The following TXNL1 variants were observed in gnomAD, a reference collection of about 807,000 sequenced individuals.
TXNL1 encodes thioredoxin like 1, also known as thioredoxin-like protein 1.
In TXNL1, 14 loss-of-function variants were observed where a neutral mutation model predicts 35.5. The observed-to-expected ratio is 0.39, with a 90% confidence interval of 0.26 to 0.62. The LOEUF (loss-of-function observed/expected upper bound fraction) is 0.62. Among genes scored for constraint, TXNL1 ranks in the 20% least tolerant of loss-of-function variants. The probability of loss-of-function intolerance (pLI) is 0.47; values close to 1 mark genes in which losing one functional copy is unlikely to be tolerated. For synonymous variants in TXNL1, 110 were observed against 115.5 expected, an observed-to-expected ratio of 0.95 and a Z score of 0.31; for missense variants, 263 against 349.7, an observed-to-expected ratio of 0.75 and a Z score of 1.98.
At chr18:56,613,938 C>T (rs1320472028) in intron 6 of TXNL1, among the ~76,000 whole-genome samples, 2 of 151,754 alleles carry the variant, frequency 1.3e-5, no homozygotes, top group Non-Finnish European at 2.9e-5. Context: ...GAGGCTGAGG[C>T]GGGAAGATTA....
chr18:56,626,967 G>C (rs2024295466), intron 1 of TXNL1, among the ~76,000 whole-genome samples: 1 of 147,988 alleles, frequency 6.8e-6, no homozygotes, highest in Non-Finnish European at 1.5e-5. Context: ...ACCACACCCA[G>C]CTACCAAGCT....
chr18:56,633,981 C>G (rs571033028), intron 1 of TXNL1, among the ~76,000 whole-genome samples: 1 of 51,268 alleles, frequency 2.0e-5, no homozygotes, highest in Non-Finnish European at 3.7e-5. Context: ...AAGACTCCAT[C>G]TCAAAAAAAA....
rs1445107050 is a variant in TXNL1 at position 56,599,333 on chromosome 18, G to A, written c.*3694C>T. ...AAATAAAACTTGAATTTTGAAACAT[G>A]CTTAAAATGACATCAGTAGTCTTCC... On this transcript the variant is annotated 3_prime_UTR_variant, in exon 8 of 8. Coordinates refer to ENST00000217515, the MANE Select transcript of TXNL1 (RefSeq NM_004786.3). 6.6e-6 allele frequency: 1 copy of A among 150,954 alleles called. No homozygotes were observed. Among genetic ancestry groups the A allele is most frequent in the Non-Finnish European group, 1.5e-5 (1 of 67,826 alleles). The allele number at this position is 150,954 out of a possible 1,614,324, so 9.4% of individuals were successfully genotyped here.
intron 7 of TXNL1, among the ~76,000 whole-genome samples, chr18:56,605,929 C>T (rs1286130566): frequency 6.6e-6 from 1 of 152,214 alleles, no homozygotes; most frequent in East Asian, 1.9e-4. Context: ...CCAGAAACAG[C>T]TCACACAAGA....
Position 56,616,676 on chromosome 18 carries a change from G to A in TXNL1, c.493-362C>T, listed in dbSNP as rs1045311049. ...CTAACATTTTAGCACATAGCTCTAC[G>A]ATGGTTTATTTGTCAAGTATCTATC... is the stretch of plus-strand genomic sequence containing the variant. On this transcript the variant is annotated intron_variant, in intron 4 of 7. Transcript: ENST00000217515. Among the ~76,000 whole-genome samples, 8 of 152,214 alleles carry A rather than the reference G, an allele frequency of 5.3e-5. No individual in the cohort carries two copies. In the South Asian group the frequency reaches 1.2e-3, roughly 24 times the overall value.
At chr18:56,604,946 A>G (rs2023865320) in intron 7 of TXNL1, among the ~76,000 whole-genome samples, 1 of 152,190 alleles carries the variant, frequency 6.6e-6, no homozygotes, top group Non-Finnish European at 1.5e-5. Flanking sequence ...AACTAGTTAA[A>G]TCTAAAACAT....
At position 56,599,246 on chromosome 18, in the gene TXNL1, A is replaced by G. The variant is rs2023779426; in HGVS notation, c.*3781T>C. ...CGATCTTATTAGCCTACAAATCTCCACTGTCCTCTTATTCCTATAGTGCTG... is the reference window on the plus strand; with the variant it reads ...CGATCTTATTAGCCTACAAATCTCCGCTGTCCTCTTATTCCTATAGTGCTG... On this transcript the variant is annotated 3_prime_UTR_variant, in exon 8 of 8. Transcript: ENST00000217515. The G allele has an allele frequency of 1.3e-5, 2 of 151,316 alleles. No homozygotes were observed. Among genetic ancestry groups the G allele is most frequent in the South Asian group, 4.2e-4 (2 of 4,806 alleles). 9.4% of individuals were successfully genotyped at this position (151,316 alleles called of 1,614,324 possible).
chr18:56,637,313 AGT>A (rs2144346743), intron 1 of TXNL1, among the ~76,000 whole-genome samples: 1 of 152,310 alleles, frequency 6.6e-6, no homozygotes, highest in East Asian at 1.9e-4. Flanking sequence ...TGGACAAGAA[AGT>A]GTGTTACATA....
In TXNL1 at chr18:56,632,455, T is replaced by C. The variant is rs1345885367; in HGVS notation, c.98+5888A>G. Among the ~76,000 whole-genome samples the C allele has an allele frequency of 2.0e-5, 3 of 151,938 alleles. No individual in the cohort carries two copies. The East Asian group carries it at 5.8e-4, about 30-fold the overall frequency. On this transcript the variant is annotated intron_variant, in intron 1 of 7. Coordinates refer to ENST00000217515, the MANE Select transcript of TXNL1 (RefSeq NM_004786.3). ...TACGCATTCACAAACTCATGTCACC[T>C]CATTTAAGCTTTATGACTCTAAAAA...
At chr18:56,626,971 C>T (rs984241353) in intron 1 of TXNL1, among the ~76,000 whole-genome samples, 8 of 149,206 alleles carry the variant, frequency 5.4e-5, no homozygotes, top group Admixed American at 4.0e-4. Flanking sequence ...CACCCAGCTA[C>T]CAAGCTACAT....
At position 56,638,531 on chromosome 18, in the gene TXNL1, G is replaced by C. The variant is rs2144350076; in HGVS notation, c.-91C>G. 7.5e-7 allele frequency: 1 copy of C among 1,327,900 alleles called. No individual in the cohort carries two copies. The highest frequency in any genetic ancestry group is 1.4e-5 in the African/African-American group (1 of 69,008). 82.3% of individuals were successfully genotyped at this position (1,327,900 alleles called of 1,614,324 possible). A position where few individuals can be genotyped will look rare whatever the true frequency, so the allele number is the denominator to read the frequency against. ...CTGGGAGAGGAAGGAGAGATGCTCA[G>C]GAAGGCCGAGGCCTGGACAGAAGAG... On this transcript the variant is annotated 5_prime_UTR_variant, in exon 1 of 8. Transcript: ENST00000217515.
chr18:56,618,545 TG>T (rs926311868), intron 3 of TXNL1, among the ~76,000 whole-genome samples: 2 of 152,130 alleles, frequency 1.3e-5, no homozygotes, highest in Non-Finnish European at 2.9e-5. Flanking sequence ...GTTTTTATCA[TG>T]AAAAATTTCA....
chr18:56,598,809 CAAG>C lies in TXNL1; in HGVS notation c.*4215_*4217del, dbSNP rs963628296. On this transcript the variant is annotated 3_prime_UTR_variant, in exon 8 of 8. Coordinates refer to ENST00000217515, the MANE Select transcript of TXNL1 (RefSeq NM_004786.3). ...AGAGATAGATGTTCCTATTTTTACA[CAAG>C]AAGAAATTTGAGCTCTGAAGGATGT... 3 of 152,180 alleles carry C rather than the reference CAAG, an allele frequency of 2.0e-5. No homozygotes were observed. The highest frequency in any genetic ancestry group is 6.5e-5 in the Admixed American group (1 of 15,274). The allele number at this position is 152,180 out of a possible 1,614,324, so 9.4% of individuals were successfully genotyped here. A position where few individuals can be genotyped will look rare whatever the true frequency, so the allele number is the denominator to read the frequency against.
rs1005045877 is a variant in TXNL1, at chr18:56,598,783, A to G, written c.*4244T>C. The G allele has an allele frequency of 2.0e-5, 3 of 152,214 alleles. No individual in the cohort carries two copies. The highest frequency in any genetic ancestry group is 7.2e-5 in the African/African-American group (3 of 41,462). The allele number at this position is 152,214 out of a possible 1,614,324, so 9.4% of individuals were successfully genotyped here. On this transcript the variant is annotated 3_prime_UTR_variant, in exon 8 of 8. Transcript: ENST00000217515. ...TAAGGCGCATCTTCAGAACAAGTCT[A>G]AGAGATAGATGTTCCTATTTTTACA...
chr18:56,616,123 C>G, intron 5 of TXNL1, 122 bp downstream of exon 5: 3 of 820,054 alleles, frequency 3.7e-6, no homozygotes, highest in Non-Finnish European at 5.5e-6. Flanking sequence ...TAGCACAAGA[C>G]TCTGTCTCAA....
At chr18:56,608,817 C>T (rs547270445) in intron 7 of TXNL1, 5 of 152,262 alleles carry the variant, frequency 3.3e-5, no homozygotes, top group African/African-American at 9.6e-5. Context: ...TGTGGTGGCA[C>T]ACGCCTGTAG....
chr18:56,605,200 C>G (rs1253239724), intron 7 of TXNL1: 1 of 152,048 alleles, frequency 6.6e-6, no homozygotes, highest in East Asian at 1.9e-4. Context: ...CAAGGCTGAT[C>G]CAGATGATAG....
intron 7 of TXNL1, chr18:56,605,163 A>G (rs989182210): frequency 2.0e-5 from 3 of 152,304 alleles, no homozygotes; most frequent in Admixed American, 6.5e-5. Context: ...GATCTGAAGA[A>G]AGAGATGATT....
Position 56,601,796 on chromosome 18 carries a change from T to C in TXNL1, c.*1231A>G, listed in dbSNP as rs918425280. On this transcript the variant is annotated 3_prime_UTR_variant, in exon 8 of 8. Coordinates refer to ENST00000217515, the MANE Select transcript of TXNL1 (RefSeq NM_004786.3). ...TACTCTTTAAAAATAGTTTTCAAAA[T>C]ACTCAGAAATTTTAAAATTAAAACT... 1.2e-4 allele frequency: 19 copies of C among 152,190 alleles called. No homozygotes were observed. Among genetic ancestry groups the C allele is most frequent in the African/African-American group, 4.1e-4 (17 of 41,452 alleles). 9.4% of individuals were successfully genotyped at this position (152,190 alleles called of 1,614,324 possible).
Sources: gnomAD v4.1 joint callset for allele counts (sites outside exome capture counted in the v4.1 genomes callset) on GRCh38, gnomAD v4.1.1 for gene constraint, MANE v1.5 for transcripts, NCBI Gene and HGNC (gene_info 2026-07-23, HGNC 2026-07-21) for gene names.